ADARB1: variants seen among roughly 807,000 people sequenced by gnomAD.
ADARB1 encodes double-stranded RNA-specific editase 1.
Under a neutral mutation model 52.4 loss-of-function variants are expected in ADARB1, and 10 were observed. The observed-to-expected ratio is 0.19, with a 90% confidence interval of 0.12 to 0.32. ADARB1 has a LOEUF of 0.32. Ranked by LOEUF, ADARB1 falls within the 10% of genes least tolerant of loss-of-function variation. The pLI is 1.00. For missense variants in ADARB1, 643 were observed against 922.3 expected (o/e 0.70, Z 3.92); for synonymous variants, 349 against 371.1 (o/e 0.94, Z 0.68).
At chr21:45,109,249 G>A (rs539287836) in intron 1 of ADARB1, among the ~76,000 whole-genome samples, 16 of 112,578 alleles carry the variant, frequency 1.4e-4, no homozygotes, top group Middle Eastern at 3.6e-3. Flanking sequence ...GTGTGCGCGC[G>A]TGTGCGTATG....
chr21:45,143,748 T>TCACTCTTCCCAGAAGAGAA (rs2089860313), intron 2 of ADARB1, among the ~76,000 whole-genome samples: 1 of 152,192 alleles, frequency 6.6e-6, no homozygotes, highest in African/African-American at 2.4e-5. Context: ...CTTCCTTTCT[T>TCACTCTTCCCAGAAGAGAA]CACTCTTCCC....
chr21:45,095,973 C>T (rs574830985), intron 1 of ADARB1, among the ~76,000 whole-genome samples: 24 of 152,206 alleles, frequency 1.6e-4, no homozygotes, highest in Middle Eastern at 3.2e-3. Flanking sequence ...AAATTCCAGA[C>T]CAGTTGAGAG....
intron 9 of ADARB1, among the ~76,000 whole-genome samples, chr21:45,219,829 TTCTTGAAACACTG>T (rs2092930428): frequency 2.6e-5 from 4 of 152,122 alleles, no homozygotes; most frequent in Admixed American, 2.6e-4. Flanking sequence ...TTGGCTCACT[TTCTTGAAACACTG>T]TCATCATAAG....
chr21:45,225,919 C>A lies in ADARB1; in HGVS notation c.*3722C>A. 4.6e-6 allele frequency: 1 copy of A among 217,526 alleles called. No homozygotes were observed. Among genetic ancestry groups the A allele is most frequent in the African/African-American group, 2.3e-5 (1 of 44,018 alleles). The allele number at this position is 217,526 out of a possible 1,614,324, so 13.5% of individuals were successfully genotyped here. ...TCCCTGGGTGAGGAGTGGGTGCACC[C>A]AGCCCCGAGGCCAGTGGTTGCTCGG... On this transcript the variant is annotated 3_prime_UTR_variant, in exon 11 of 11. Coordinates refer to ENST00000348831, the MANE Select transcript of ADARB1 (RefSeq NM_001112.4).
At chr21:45,189,854 T>A (rs1380230243) in intron 8 of ADARB1, among the ~76,000 whole-genome samples, 4 of 152,116 alleles carry the variant, frequency 2.6e-5, no homozygotes, top group Admixed American at 1.3e-4. Context: ...ACAAATGGCT[T>A]TTCACTTGAT....
chr21:45,219,397 G>A (rs186541984), intron 9 of ADARB1, among the ~76,000 whole-genome samples: 7 of 152,256 alleles, frequency 4.6e-5, no homozygotes, highest in East Asian at 1.9e-4. Flanking sequence ...GGTGGCACGC[G>A]CCTGTAGTCC....
chr21:45,074,611 G>GGCGGCGGCGGCGGCGGCGGCA lies in ADARB1; in HGVS notation c.-391_-390insGGCGGCGGCAGCGGCGGCGGC, dbSNP rs1555882613. On this transcript the variant is annotated 5_prime_UTR_variant, in exon 1 of 11. Coordinates refer to ENST00000348831, the MANE Select transcript of ADARB1 (RefSeq NM_001112.4). ...CTGAGGCGGCCGTGGCGGCGGCGGCGGCGGCGGCGGCAGCGGCGGCCAAGC... is the reference window on the plus strand; with the variant it reads ...CTGAGGCGGCCGTGGCGGCGGCGGCGGCGGCGGCGGCGGCGGCGGCAGCGGCGGCGGCAGCGGCGGCCAAGC... The GGCGGCGGCGGCGGCGGCGGCA allele has an allele frequency of 6.7e-6, 1 of 149,294 alleles. No homozygotes were observed. The highest frequency in any genetic ancestry group is 6.8e-5 in the Admixed American group (1 of 14,724). The allele number at this position is 149,294 out of a possible 1,614,324, so 9.2% of individuals were successfully genotyped here.
intron 8 of ADARB1, among the ~76,000 whole-genome samples, chr21:45,202,080 G>C (rs1034545605): frequency 1.3e-5 from 2 of 152,062 alleles, no homozygotes; most frequent in African/African-American, 4.8e-5. Context: ...GGAGCCACTG[G>C]ACTGTTTTGT....
At position 45,220,992 on chromosome 21, in the gene ADARB1, G is replaced by A. The variant is rs752123605; in HGVS notation, c.1904G>A (p.Arg635His). The A allele has an allele frequency of 2.4e-5, 39 of 1,612,310 alleles. No individual in the cohort carries two copies. The highest frequency in any genetic ancestry group is 1.7e-4 in the Middle Eastern group (1 of 6,060). Residue 635 changes from arginine (R) to histidine (H), a missense_variant, in exon 10 of 11, where the codon CGC becomes CAC. Physicochemically the swap from Arg to His is conservative, Grantham distance 29. Coordinates refer to ENST00000348831, the MANE Select transcript of ADARB1 (RefSeq NM_001112.4). This position sits in a 1 kb window ranked among gnomAD's most constrained non-coding sequence, Gnocchi z 6.3. ...SRLCKHALYC[R>H]WMRVHGKVPS... The stretch of plus-strand genomic sequence containing the variant: ...CTGTGTAAGCACGCGTTGTACTGTC[G>A]CTGGATGCGTGTGCACGGCAAGGTA...
chr21:45,137,868 A>G (rs1042689951), intron 2 of ADARB1, among the ~76,000 whole-genome samples: 23 of 152,012 alleles, frequency 1.5e-4, no homozygotes, highest in African/African-American at 5.6e-4. Context: ...TGGGCACCCC[A>G]GGCAGGAGGG....
chr21:45,098,656 C>T (rs920883449), intron 1 of ADARB1, among the ~76,000 whole-genome samples: 1 of 152,216 alleles, frequency 6.6e-6, no homozygotes, highest in Non-Finnish European at 1.5e-5. Context: ...AAACCTGCCT[C>T]ATTCCCGTGA....
At chr21:45,136,496 G>A (rs1009014213) in intron 2 of ADARB1, among the ~76,000 whole-genome samples, 38 of 152,208 alleles carry the variant, frequency 2.5e-4, no homozygotes, top group African/African-American at 8.7e-4. Flanking sequence ...TGCTACGCCC[G>A]GCACCATGTT....
chr21:45,087,882 G>A (rs1258176019), intron 1 of ADARB1, among the ~76,000 whole-genome samples: 1 of 152,158 alleles, frequency 6.6e-6, no homozygotes, highest in African/African-American at 2.4e-5. Context: ...GAAGAGAACT[G>A]TACAAAATAG....
At chr21:45,129,486 C>T (rs868354921) in intron 2 of ADARB1, among the ~76,000 whole-genome samples, 1 of 152,186 alleles carries the variant, frequency 6.6e-6, no homozygotes, top group African/African-American at 2.4e-5. Context: ...GCTGGAGGAA[C>T]GCAGGTGTGC....
intron 9 of ADARB1, among the ~76,000 whole-genome samples, chr21:45,205,853 T>TGTGC (rs2092655953): frequency 6.6e-6 from 1 of 152,282 alleles, no homozygotes; most frequent in East Asian, 1.9e-4. Context: ...GGGGTGTGTG[T>TGTGC]GTGCTTGTGT....
chr21:45,171,811 C>G (rs185026024), intron 3 of ADARB1, 127 bp downstream of exon 3: 5 of 835,542 alleles, frequency 6.0e-6, no homozygotes, highest in Non-Finnish European at 7.4e-6. Context: ...CTTCTACTGA[C>G]AGTGGCATGT....
chr21:45,133,065 G>T (rs940649160), intron 2 of ADARB1, among the ~76,000 whole-genome samples: 3 of 152,240 alleles, frequency 2.0e-5, no homozygotes, highest in Non-Finnish European at 4.4e-5. Flanking sequence ...GCTTCTGGGC[G>T]CAAAGCCCTG....
intron 6 of ADARB1, 22 bp downstream of exon 6, chr21:45,182,775 G>A (rs756059899): frequency 1.3e-6 from 2 of 1,540,522 alleles, no homozygotes; most frequent in Non-Finnish European, 1.7e-6. Flanking sequence ...AAACAAATAA[G>A]GACAGGAAGC....
chr21:45,146,210 C>T (rs549512776), intron 2 of ADARB1: 3 of 152,276 alleles, frequency 2.0e-5, no homozygotes, highest in South Asian at 2.1e-4. Context: ...TTCGGACGCA[C>T]CTGATCCGTT....
Sources: allele counts gnomAD v4.1 joint callset (sites outside exome capture counted in the v4.1 genomes callset), GRCh38; gene constraint gnomAD v4.1.1; non-coding constraint Gnocchi (gnomAD v3.1); transcripts MANE v1.5; gene names NCBI Gene and HGNC (gene_info 2026-07-23, HGNC 2026-07-21).